The following CSMD1 variants were observed in gnomAD, a reference collection of about 807,000 sequenced individuals.
CSMD1 encodes CUB and Sushi multiple domains 1.
CSMD1 carries 213 observed loss-of-function variants against 417.5 expected under a neutral mutation model. The ratio of observed to expected loss-of-function variants is 0.51; its 90% confidence interval spans 0.46 to 0.57. CSMD1 has a LOEUF of 0.57. Among genes scored for constraint, CSMD1 ranks in the 20% least tolerant of loss-of-function variants. The probability of loss-of-function intolerance (pLI) is 0.00; values close to 1 mark genes in which losing one functional copy is unlikely to be tolerated. For synonymous variants in CSMD1, 2,862 were observed against 1,736.8 expected, an observed-to-expected ratio of 1.65 and a Z score of -16.11; for missense variants, 6,923 against 4,529.7, an observed-to-expected ratio of 1.53 and a Z score of -15.17.
At chr8:3,910,049 G>A (rs1019069563) in intron 5 of CSMD1, among the ~76,000 whole-genome samples, 14 of 152,018 alleles carry the variant, frequency 9.2e-5, no homozygotes, top group African/African-American at 3.4e-4. Flanking sequence ...TTAAAACAGA[G>A]GCATCACTAG....
chr8:4,686,881 C>A (rs1189783004), intron 1 of CSMD1, among the ~76,000 whole-genome samples: 1 of 152,148 alleles, frequency 6.6e-6, no homozygotes, highest in African/African-American at 2.4e-5. Context: ...CAGGCGATGG[C>A]CCAAGACCAG....
intron 2 of CSMD1, among the ~76,000 whole-genome samples, chr8:4,629,641 C>T (rs559634869): frequency 6.6e-6 from 1 of 152,062 alleles, no homozygotes; most frequent in African/African-American, 2.4e-5. Context: ...ATTACGTGTC[C>T]TGCCTAGAAA....
intron 1 of CSMD1, among the ~76,000 whole-genome samples, chr8:4,858,839 C>T (rs1801961128): frequency 6.8e-6 from 1 of 147,642 alleles, no homozygotes; most frequent in South Asian, 2.3e-4. Context: ...GGCCATACTG[C>T]CCAAGGTAAT....
chr8:3,950,416 T>G (rs905957575), intron 5 of CSMD1, among the ~76,000 whole-genome samples: 3 of 152,332 alleles, frequency 2.0e-5, no homozygotes, highest in Admixed American at 2.0e-4. Context: ...TCAATGTAAG[T>G]AGCAGAAGAG....
At chr8:3,788,807 C>G (rs534850938) in intron 5 of CSMD1, among the ~76,000 whole-genome samples, 1 of 152,104 alleles carries the variant, frequency 6.6e-6, no homozygotes, top group African/African-American at 2.4e-5. Flanking sequence ...ACAGGACAGA[C>G]GCATTTATGT....
chr8:4,672,406 G>C (rs768724783), intron 1 of CSMD1, among the ~76,000 whole-genome samples: 3 of 152,150 alleles, frequency 2.0e-5, no homozygotes, highest in Non-Finnish European at 4.4e-5. Flanking sequence ...ACACTTTGAA[G>C]TATGGGCAGA....
chr8:3,946,021 A>G (rs556765642), intron 5 of CSMD1, among the ~76,000 whole-genome samples: 2 of 152,254 alleles, frequency 1.3e-5, no homozygotes, highest in African/African-American at 4.8e-5. Context: ...TGCTCATAAC[A>G]TTCTACGATG....
chr8:2,948,920 T>A (rs1439162454), intron 68 of CSMD1, among the ~76,000 whole-genome samples: 1 of 151,924 alleles, frequency 6.6e-6, no homozygotes, highest in Non-Finnish European at 1.5e-5. Context: ...TATGTATATT[T>A]CTGAAGATCT....
chr8:4,267,992 G>C (rs184102371), intron 3 of CSMD1, among the ~76,000 whole-genome samples: 15 of 152,184 alleles, frequency 9.9e-5, no homozygotes, highest in African/African-American at 3.6e-4. Context: ...AAGTGAGATG[G>C]TGGAGGGGAG....
intron 3 of CSMD1, among the ~76,000 whole-genome samples, chr8:4,083,362 C>A (rs1172671197): frequency 6.6e-6 from 1 of 152,102 alleles, no homozygotes; most frequent in Non-Finnish European, 1.5e-5. Flanking sequence ...TCTCTGATGG[C>A]CAGTGATGGT....
At chr8:3,937,880 A>G (rs902758588) in intron 5 of CSMD1, among the ~76,000 whole-genome samples, 6 of 152,192 alleles carry the variant, frequency 3.9e-5, no homozygotes, top group Non-Finnish European at 8.8e-5. Context: ...TACTGCATAC[A>G]CAAGAAACTT....
intron 3 of CSMD1, among the ~76,000 whole-genome samples, chr8:4,272,850 G>C (rs1287687324): frequency 6.6e-6 from 1 of 152,000 alleles, no homozygotes; most frequent in Non-Finnish European, 1.5e-5. Context: ...AATAAGTCTC[G>C]ACACACAGAT....
At chr8:4,468,300 G>T (rs527289862) in intron 2 of CSMD1, among the ~76,000 whole-genome samples, 12 of 152,154 alleles carry the variant, frequency 7.9e-5, no homozygotes, top group Admixed American at 7.2e-4. Context: ...AGAAAGTGTT[G>T]ATCTTCTGTT....
chr8:3,230,672 A>G (rs1223034748), intron 26 of CSMD1, among the ~76,000 whole-genome samples: 1 of 152,184 alleles, frequency 6.6e-6, no homozygotes, highest in Non-Finnish European at 1.5e-5. Context: ...AGGTGATCCA[A>G]TAACCTTTGT....
At chr8:3,697,911 T>C (rs1016725534) in intron 7 of CSMD1, among the ~76,000 whole-genome samples, 1 of 152,182 alleles carries the variant, frequency 6.6e-6, no homozygotes, top group Non-Finnish European at 1.5e-5. Flanking sequence ...TTTTTCCCTT[T>C]AGTGAATCAA....
chr8:4,455,269 G>A (rs77104677), intron 2 of CSMD1, among the ~76,000 whole-genome samples: 3 of 152,110 alleles, frequency 2.0e-5, no homozygotes, highest in South Asian at 4.2e-4. Flanking sequence ...AAAAAAATAG[G>A]AGAAGGAGAA....
At chr8:3,619,144 GTT>G (rs1802293060) in intron 7 of CSMD1, among the ~76,000 whole-genome samples, 1 of 149,896 alleles carries the variant, frequency 6.7e-6, no homozygotes, top group African/African-American at 2.5e-5. Context: ...AGAAGATGAG[GTT>G]AGATTCTTTG....
At chr8:4,992,642 T>C (rs1050213412) in intron 1 of CSMD1, among the ~76,000 whole-genome samples, 10 of 152,184 alleles carry the variant, frequency 6.6e-5, no homozygotes, top group African/African-American at 2.4e-4. Flanking sequence ...CTCTTTTCCC[T>C]AGACTTTAGC....
At chr8:3,100,253 C>T (rs991602262) in intron 46 of CSMD1, among the ~76,000 whole-genome samples, 3 of 152,136 alleles carry the variant, frequency 2.0e-5, no homozygotes, top group Non-Finnish European at 4.4e-5. Flanking sequence ...GTTGTTTTGC[C>T]ATTTTGCCCA....
Sources: gnomAD v4.1 joint callset for allele counts (sites outside exome capture counted in the v4.1 genomes callset) on GRCh38, gnomAD v4.1.1 for gene constraint, MANE v1.5 for transcripts, NCBI Gene and HGNC (gene_info 2026-07-23, HGNC 2026-07-21) for gene names.